Variants in CMSS1 observed in about 807,000 individuals in gnomAD.
CMSS1 encodes the protein protein CMSS1.
A neutral mutation model predicts 43.5 loss-of-function variants in CMSS1; 33 were observed. The ratio of observed to expected loss-of-function variants is 0.76; its 90% CI spans 0.57 to 1.01. CMSS1 has a LOEUF of 1.01. Among genes scored for constraint, CMSS1 ranks in the 50% least tolerant of loss-of-function variants. The pLI is 0.00. For missense variants in CMSS1, 313 were observed against 326.4 expected, an observed-to-expected ratio of 0.96 and a Z score of 0.32; for synonymous variants, 115 against 117.2, an observed-to-expected ratio of 0.98 and a Z score of 0.12.
At chr3:100,080,079 T>G (rs1327592560) in intron 1 of CMSS1, among the ~76,000 whole-genome samples, 1 of 152,128 alleles carries the variant, frequency 6.6e-6, no homozygotes, top group Non-Finnish European at 1.5e-5. Context: ...TGCACCCTCT[T>G]TTAACTTTTA....
At chr3:100,043,603 G>A (rs1206127393) in intron 1 of CMSS1, among the ~76,000 whole-genome samples, 1 of 152,106 alleles carries the variant, frequency 6.6e-6, no homozygotes, top group Non-Finnish European at 1.5e-5. Flanking sequence ...GAGTCAGTTA[G>A]GACATGGAGA....
intron 1 of CMSS1, among the ~76,000 whole-genome samples, chr3:99,842,344 A>AGGGGT (rs1345604101): frequency 3.3e-5 from 5 of 151,962 alleles, no homozygotes; most frequent in Non-Finnish European, 7.4e-5. Flanking sequence ...AAAGAGTGGG[A>AGGGGT]GGGGTGTAAG....
chr3:99,879,621 C>T (rs1362226395), intron 1 of CMSS1, among the ~76,000 whole-genome samples: 1 of 152,138 alleles, frequency 6.6e-6, no homozygotes. Context: ...ATGTTTCTTG[C>T]AGCTACCCAA....
In CMSS1 at chr3:99,842,057, G is replaced by A. The variant is rs1056490518; in HGVS notation, c.64+24014G>A. On this transcript the variant is annotated intron_variant, in intron 1 of 9. Coordinates refer to ENST00000421999, the MANE Select transcript of CMSS1 (RefSeq NM_032359.4). ...AAGTGTGTTTATGGCAGCACAATTC[G>A]CAATTGCAAAAATATGGAACCAGCT... Among the ~76,000 whole-genome samples, 7 of 152,160 alleles carry A rather than the reference G, an allele frequency of 4.6e-5. 1 individual carries two copies. The highest frequency in any genetic ancestry group is 6.5e-5 in the Admixed American group (1 of 15,286).
At chr3:99,827,763 G>A (rs1942562950) in intron 1 of CMSS1, among the ~76,000 whole-genome samples, 1 of 152,106 alleles carries the variant, frequency 6.6e-6, no homozygotes, top group African/African-American at 2.4e-5. Context: ...GCGCCACCAT[G>A]CCCGGCTAAT....
chr3:99,832,067 G>A (rs1333143941), intron 1 of CMSS1, among the ~76,000 whole-genome samples: 2 of 152,062 alleles, frequency 1.3e-5, no homozygotes, highest in African/African-American at 4.8e-5. Context: ...GATACTTTCA[G>A]GCCCAGCTGC....
rs1389847207 is a variant in CMSS1, at chr3:100,179,671, G to C, written c.*1283G>C. The C allele has an allele frequency of 3.9e-5, 6 of 152,466 alleles. No homozygotes were observed. The highest frequency in any genetic ancestry group is 1.4e-4 in the African/African-American group (6 of 41,588). 9.4% of individuals were successfully genotyped at this position (152,466 alleles called of 1,614,324 possible). On this transcript the variant is annotated 3_prime_UTR_variant, in exon 10 of 10. Coordinates refer to ENST00000421999, the MANE Select transcript of CMSS1 (RefSeq NM_032359.4). Reference sequence around the variant, plus strand: ...ACAGTCCCCATGGTTGCTTTCACAGGCTGGTGTTGAGTGCCTACAGCATAT... The same window carrying C: ...ACAGTCCCCATGGTTGCTTTCACAGCCTGGTGTTGAGTGCCTACAGCATAT...
chr3:99,845,119 T>A (rs1446196177), intron 1 of CMSS1, among the ~76,000 whole-genome samples: 1 of 152,196 alleles, frequency 6.6e-6, no homozygotes, highest in Non-Finnish European at 1.5e-5. Context: ...AATTTTATCA[T>A]GATCTTGATT....
intron 1 of CMSS1, among the ~76,000 whole-genome samples, chr3:99,931,312 G>A (rs1183732708): frequency 6.6e-6 from 1 of 152,150 alleles, no homozygotes; most frequent in Non-Finnish European, 1.5e-5. Context: ...CATCCCCCAA[G>A]CATTCCACCT....
chr3:100,063,125 CTGTTT>C (rs1391092532), intron 1 of CMSS1, among the ~76,000 whole-genome samples: 6 of 152,058 alleles, frequency 3.9e-5, no homozygotes, highest in Non-Finnish European at 7.4e-5. Context: ...AGTTGGCACC[CTGTTT>C]TGTTTTGTTT....
chr3:100,052,581 A>G (rs1410623298), intron 1 of CMSS1, among the ~76,000 whole-genome samples: 1 of 152,222 alleles, frequency 6.6e-6, no homozygotes, highest in East Asian at 1.9e-4. Context: ...TAGCAATTCA[A>G]TGCTAGTATA....
chr3:100,178,310 A>G lies in CMSS1; in HGVS notation c.762A>G (p.Arg254=), dbSNP rs747026743. 6.2e-6 allele frequency: 10 copies of G among 1,607,258 alleles called. No individual in the cohort carries two copies. Among genetic ancestry groups the G allele is most frequent in the Non-Finnish European group, 8.5e-6 (10 of 1,174,082 alleles). ...LRRMMDIPEI[R]KEVFELLEMG... ...CCCCCTTTTCTCTCATTTAGATAAG[A>G]AAGGAGGTATTCGAACTTCTGGAAA... The change falls in exon 10 of 10, where the codon AGA becomes AGG. Residue 254 remains arginine (R), a synonymous_variant. Transcript: ENST00000421999.
chr3:99,958,251 T>TA (rs1380107628), intron 1 of CMSS1, among the ~76,000 whole-genome samples: 2 of 140,864 alleles, frequency 1.4e-5, no homozygotes, highest in African/African-American at 5.2e-5. Context: ...TTATTATTAT[T>TA]TGAAGGTAAC....
intron 1 of CMSS1, among the ~76,000 whole-genome samples, chr3:99,973,502 T>C (rs1304525116): frequency 6.6e-6 from 1 of 152,244 alleles, no homozygotes; most frequent in Non-Finnish European, 1.5e-5. Context: ...TTTTTTTCCT[T>C]ATTTTGAAAG....
At chr3:99,930,108 A>C (rs1707430272) in intron 1 of CMSS1, 2 of 1,218,130 alleles carry the variant, frequency 1.6e-6, no homozygotes, top group East Asian at 4.9e-5. Flanking sequence ...GATAGTTGGC[A>C]GTGCTTTTTC....
intron 1 of CMSS1, among the ~76,000 whole-genome samples, chr3:99,892,979 G>A (rs1431449183): frequency 1.3e-5 from 2 of 152,126 alleles, no homozygotes; most frequent in African/African-American, 4.8e-5. Flanking sequence ...CCAAAACAGA[G>A]CTGAATTAGA....
chr3:99,873,337 G>T (rs996353823), intron 1 of CMSS1, among the ~76,000 whole-genome samples: 1 of 152,206 alleles, frequency 6.6e-6, no homozygotes, highest in Non-Finnish European at 1.5e-5. Context: ...ATAAGGTAGG[G>T]TGTATTAGAT....
intron 1 of CMSS1, among the ~76,000 whole-genome samples, chr3:100,127,330 C>T (rs1356747013): frequency 6.6e-6 from 1 of 152,148 alleles, no homozygotes; most frequent in Non-Finnish European, 1.5e-5. Flanking sequence ...AGAGCAGGGC[C>T]CAGGCTCTTC....
chr3:99,979,715 A>G (rs1709065822), intron 1 of CMSS1, among the ~76,000 whole-genome samples: 1 of 152,210 alleles, frequency 6.6e-6, no homozygotes, highest in African/African-American at 2.4e-5. Flanking sequence ...TTACACCAAC[A>G]TTTATGGAAT....
Sources: allele counts gnomAD v4.1 joint callset (sites outside exome capture counted in the v4.1 genomes callset), GRCh38; gene constraint gnomAD v4.1.1; transcripts MANE v1.5; gene names NCBI Gene and HGNC (gene_info 2026-07-23, HGNC 2026-07-21).